The following SEMA5A variants were observed in gnomAD, a reference collection of about 807,000 sequenced individuals.
SEMA5A encodes the protein semaphorin-5A.
Under a neutral mutation model 135.5 loss-of-function variants are expected in SEMA5A, and 55 were observed. The observed-to-expected ratio is 0.41, with a 90% CI of 0.33 to 0.51. The LOEUF is 0.51. Ranked by LOEUF, SEMA5A falls within the 20% of genes least tolerant of loss-of-function variation. The probability of loss-of-function intolerance (pLI) is 0.37; values close to 1 mark genes in which losing one functional copy is unlikely to be tolerated. For missense variants in SEMA5A, 1,290 were observed against 1,419.9 expected (o/e 0.91, Z 1.47); for synonymous variants, 580 against 546.5 (o/e 1.06, Z -0.85).
chr5:9,178,480 T>C lies in SEMA5A; in HGVS notation c.1273+11787A>G, dbSNP rs1361116529. Among the ~76,000 whole-genome samples, 14 of 151,974 alleles carry C rather than the reference T, an allele frequency of 9.2e-5. 1 individual carries two copies. Among genetic ancestry groups the C allele is most frequent in the Admixed American group, 7.2e-4 (11 of 15,258 alleles). ...CTGAGTATCTCGGATCACAGGCACA[T>C]GCCCCCACACCCGGCTACTTTTTTT... On this transcript the variant is annotated intron_variant, in intron 11 of 22. Transcript: ENST00000382496.
At chr5:9,165,304 C>T (rs553062429) in intron 11 of SEMA5A, among the ~76,000 whole-genome samples, 22 of 151,756 alleles carry the variant, frequency 1.4e-4, no homozygotes, top group Non-Finnish European at 2.2e-4. Context: ...AAAGTCCTAC[C>T]CACAAAGAAA....
At chr5:9,344,622 A>G (rs1434971910) in intron 3 of SEMA5A, among the ~76,000 whole-genome samples, 1 of 152,184 alleles carries the variant, frequency 6.6e-6, no homozygotes, top group Non-Finnish European at 1.5e-5. Flanking sequence ...CAAGAAGTCC[A>G]GGGGAAAGAA....
intron 3 of SEMA5A, among the ~76,000 whole-genome samples, chr5:9,359,922 C>T (rs1450323715): frequency 6.6e-6 from 1 of 152,204 alleles, no homozygotes; most frequent in Non-Finnish European, 1.5e-5. Context: ...TTTGACAACA[C>T]TAGGTGGCTG....
intron 1 of SEMA5A, among the ~76,000 whole-genome samples, chr5:9,524,310 A>C (rs1354606762): frequency 6.6e-6 from 1 of 152,174 alleles, no homozygotes; most frequent in Non-Finnish European, 1.5e-5. Context: ...ATTTAAAGCA[A>C]TGTGAGAACG....
At chr5:9,522,542 A>G (rs1736895749) in intron 1 of SEMA5A, among the ~76,000 whole-genome samples, 1 of 152,062 alleles carries the variant, frequency 6.6e-6, no homozygotes. Context: ...GCGCCATTGC[A>G]CTCCAGCCTG....
chr5:9,437,948 A>G (rs897588162), intron 1 of SEMA5A, 96 bp from the exon 2 acceptor site: 1 of 152,340 alleles, frequency 6.6e-6, no homozygotes, highest in East Asian at 1.9e-4. Context: ...AAAGTCCTAA[A>G]CAATCAGAGC....
chr5:9,519,697 G>A (rs946287780), intron 1 of SEMA5A, among the ~76,000 whole-genome samples: 18 of 152,140 alleles, frequency 1.2e-4, no homozygotes, highest in African/African-American at 4.1e-4. Flanking sequence ...GAAGTATTAC[G>A]AAATCCACAC....
At chr5:9,466,265 T>C (rs1759256813) in intron 1 of SEMA5A, among the ~76,000 whole-genome samples, 1 of 151,048 alleles carries the variant, frequency 6.6e-6, no homozygotes, top group South Asian at 2.1e-4. Flanking sequence ...ATATACCTAA[T>C]GCTAAATGAC....
chr5:9,252,788 A>G (rs1443210085), intron 5 of SEMA5A, among the ~76,000 whole-genome samples: 1 of 152,188 alleles, frequency 6.6e-6, no homozygotes, highest in Non-Finnish European at 1.5e-5. Flanking sequence ...CCCATATGGA[A>G]TATAATGGCC....
chr5:9,326,340 C>T (rs908870508), intron 4 of SEMA5A, among the ~76,000 whole-genome samples: 5 of 152,132 alleles, frequency 3.3e-5, no homozygotes, highest in South Asian at 2.1e-4. Context: ...CAACCTCCAT[C>T]GCAGGCATTC....
At chr5:9,274,099 C>A (rs1750129168) in intron 5 of SEMA5A, among the ~76,000 whole-genome samples, 1 of 152,096 alleles carries the variant, frequency 6.6e-6, no homozygotes, top group African/African-American at 2.4e-5. Flanking sequence ...AGACCCATCT[C>A]ATGTGCAAAG....
intron 5 of SEMA5A, among the ~76,000 whole-genome samples, chr5:9,263,459 C>T (rs1301927788): frequency 6.6e-6 from 1 of 152,182 alleles, no homozygotes; most frequent in Non-Finnish European, 1.5e-5. Flanking sequence ...TTATGGGACT[C>T]TAGTGCCTGA....
intron 5 of SEMA5A, among the ~76,000 whole-genome samples, chr5:9,238,382 A>G (rs1748023439): frequency 6.6e-6 from 1 of 152,228 alleles, no homozygotes; most frequent in South Asian, 2.1e-4. Context: ...ATACCTGTAA[A>G]TGATAATCAA....
At chr5:9,175,804 C>G (rs1455956262) in intron 11 of SEMA5A, among the ~76,000 whole-genome samples, 1 of 152,074 alleles carries the variant, frequency 6.6e-6, no homozygotes, top group African/African-American at 2.4e-5. Flanking sequence ...GCTGTTTGCT[C>G]CAAGGAAAAC....
chr5:9,481,724 G>A (rs1579612749), intron 1 of SEMA5A, among the ~76,000 whole-genome samples: 1 of 152,084 alleles, frequency 6.6e-6, no homozygotes, highest in African/African-American at 2.4e-5. Context: ...ACAGGTGGCG[G>A]CAAGCTGTGA....
intron 5 of SEMA5A, among the ~76,000 whole-genome samples, chr5:9,309,860 T>C (rs981378678): frequency 3.7e-4 from 9 of 24,078 alleles, no homozygotes; most frequent in African/African-American, 6.5e-4. Context: ...AATCGGTATA[T>C]AAAACAGCAT....
At chr5:9,129,895 T>C (rs1446375167) in intron 13 of SEMA5A, among the ~76,000 whole-genome samples, 1 of 152,220 alleles carries the variant, frequency 6.6e-6, no homozygotes, top group Non-Finnish European at 1.5e-5. Flanking sequence ...AAAGTCACTC[T>C]GGTTGTAAAA....
intron 20 of SEMA5A, among the ~76,000 whole-genome samples, chr5:9,051,528 G>A (rs1217641894): frequency 6.6e-6 from 1 of 152,172 alleles, no homozygotes; most frequent in Non-Finnish European, 1.5e-5. Flanking sequence ...TACACAGCGA[G>A]CACTGCCTAA....
At chr5:9,338,537 C>G (rs1753498200) in intron 3 of SEMA5A, among the ~76,000 whole-genome samples, 2 of 152,142 alleles carry the variant, frequency 1.3e-5, no homozygotes, top group Admixed American at 1.3e-4. Context: ...CTTCAATGAG[C>G]CATTTTTGCA....
Sources: gnomAD v4.1 joint callset for allele counts (sites outside exome capture counted in the v4.1 genomes callset) on GRCh38, gnomAD v4.1.1 for gene constraint, MANE v1.5 for transcripts, NCBI Gene and HGNC (gene_info 2026-07-23, HGNC 2026-07-21) for gene names.